Variants in FMO1 observed in about 807,000 individuals in gnomAD.
FMO1 encodes the protein flavin-containing monooxygenase 1.
A neutral mutation model predicts 45.4 loss-of-function variants in FMO1; 36 were observed. The ratio of observed to expected loss-of-function variants is 0.79; its 90% confidence interval spans 0.61 to 1.05. The LOEUF (loss-of-function observed/expected upper bound fraction) is 1.05. Among genes scored for constraint, FMO1 ranks in the 50% least tolerant of loss-of-function variants. The pLI, the probability that FMO1 is intolerant of heterozygous loss-of-function variation, is 0.00. For missense variants in FMO1, 615 were observed against 640.3 expected, an observed-to-expected ratio of 0.96 and a Z score of 0.43; for synonymous variants, 228 against 227.2, an observed-to-expected ratio of 1.00 and a Z score of -0.03.
At chr1:171,249,086 C>T (rs1052121037) in intron 1 of FMO1, among the ~76,000 whole-genome samples, 6 of 151,860 alleles carry the variant, frequency 4.0e-5, no homozygotes, top group African/African-American at 1.4e-4. Context: ...AGGCAAGCCC[C>T]TTTAGAATTT....
chr1:171,272,201 C>A (rs748244831), intron 3 of FMO1, among the ~76,000 whole-genome samples: 15 of 152,248 alleles, frequency 9.9e-5, no homozygotes, highest in Non-Finnish European at 1.9e-4. Flanking sequence ...CAAGACCTGG[C>A]AGCCTCCACA....
At chr1:171,257,991 A>C (rs1239378153) in intron 1 of FMO1, 91 bp from the exon 2 acceptor site, 12 of 1,481,282 alleles carry the variant, frequency 8.1e-6, no homozygotes, top group Non-Finnish European at 1.1e-5. Context: ...AAATCGCCTA[A>C]TCTTCCAAAT....
chr1:171,261,613 G>T (rs1183801732), intron 2 of FMO1, among the ~76,000 whole-genome samples: 1 of 152,176 alleles, frequency 6.6e-6, no homozygotes, highest in Non-Finnish European at 1.5e-5. Flanking sequence ...GCCAGGCGCG[G>T]TGGCTCATGC....
chr1:171,278,766 G>T lies in FMO1; in HGVS notation c.522G>T (p.Arg174=). ...TTAAAGGCCAGTACTTTCATAGCCG[G>T]CAATATAAGCATCCAGATATATTTA... ...NAFKGQYFHS[R]QYKHPDIFKD... Residue 174 remains arginine, a synonymous_variant, in exon 5 of 9, where the codon CGG becomes CGT. Coordinates refer to ENST00000617670, the MANE Select transcript of FMO1 (RefSeq NM_001282693.2). 1 of 1,609,766 alleles carries T rather than the reference G, an allele frequency of 6.2e-7. No individual in the cohort carries two copies. The highest frequency in any genetic ancestry group is 8.5e-7 in the Non-Finnish European group (1 of 1,176,774).
intron 2 of FMO1, 36 bp from the exon 3 acceptor site, chr1:171,267,507 G>A: frequency 6.7e-7 from 1 of 1,485,548 alleles, no homozygotes; most frequent in Non-Finnish European, 9.1e-7. Flanking sequence ...TTATGAGCAT[G>A]CAATGAATGT....
At chr1:171,270,938 C>G (rs984399300) in intron 3 of FMO1, 18 of 821,150 alleles carry the variant, frequency 2.2e-5, no homozygotes, top group Non-Finnish European at 3.4e-5. Context: ...GAAAAAAAAC[C>G]GCTAGAACCA....
intron 2 of FMO1, among the ~76,000 whole-genome samples, chr1:171,260,838 G>A (rs905549406): frequency 2.2e-5 from 3 of 138,936 alleles, no homozygotes; most frequent in African/African-American, 5.5e-5. Context: ...GCTGAGGCAG[G>A]AGAATCGCTG....
At chr1:171,279,631 G>A (rs774043432) in intron 5 of FMO1, among the ~76,000 whole-genome samples, 1 of 151,986 alleles carries the variant, frequency 6.6e-6, no homozygotes, top group Non-Finnish European at 1.5e-5. Flanking sequence ...ACTACCCAAG[G>A]TCACTGCCAC....
chr1:171,248,748 C>T (rs958970061), intron 1 of FMO1, 125 bp downstream of exon 1: 1 of 151,938 alleles, frequency 6.6e-6, no homozygotes, highest in African/African-American at 2.4e-5. Flanking sequence ...TCTGTCCAAC[C>T]CTGGAGGAGC....
chr1:171,258,835 G>A (rs377645568), intron 2 of FMO1, among the ~76,000 whole-genome samples: 2 of 151,388 alleles, frequency 1.3e-5, no homozygotes, highest in African/African-American at 2.5e-5. Flanking sequence ...TGCCTGGATC[G>A]GAGAAAGGAA....
chr1:171,253,461 C>T (rs549671850), intron 1 of FMO1, among the ~76,000 whole-genome samples: 1 of 152,182 alleles, frequency 6.6e-6, no homozygotes, highest in African/African-American at 2.4e-5. Context: ...TGAGCCCAGA[C>T]ATTCAAAACT....
At position 171,285,359 on chromosome 1, in the gene FMO1, C is replaced by G; in HGVS notation, c.1414C>G (p.Gln472Glu). 1 of 1,614,010 alleles carries G rather than the reference C, an allele frequency of 6.2e-7. No homozygotes were observed. Residue 472 changes from glutamine (Q) to glutamate (E), a missense_variant, in exon 9 of 9, where the codon CAG (glutamine) becomes GAG (glutamate). Coordinates refer to ENST00000617670, the MANE Select transcript of FMO1 (RefSeq NM_001282693.2). ...TVFFGPCSPY[Q>E]FRLTGPGKWE... is the part of the protein sequence containing the mutation. ...CTTCTTTGGCCCATGCTCACCATAC[C>G]AGTTCCGCTTGACTGGCCCAGGAAA...
At chr1:171,255,612 T>A (rs2101794720) in intron 1 of FMO1, among the ~76,000 whole-genome samples, 1 of 152,328 alleles carries the variant, frequency 6.6e-6, no homozygotes, top group African/African-American at 2.4e-5. Flanking sequence ...TCCTTCTGTC[T>A]GGGACACCCT....
chr1:171,267,799 C>A, intron 3 of FMO1, 68 bp downstream of exon 3: 1 of 1,262,594 alleles, frequency 7.9e-7, no homozygotes, highest in Non-Finnish European at 1.1e-6. Flanking sequence ...TCTCTCCAGC[C>A]TAGCCCTGGG....
intron 2 of FMO1, 137 bp from the exon 3 acceptor site, chr1:171,267,406 C>A: frequency 1.8e-6 from 1 of 559,768 alleles, no homozygotes; most frequent in Non-Finnish European, 3.0e-6. Context: ...CAAATAAATA[C>A]TACTTCCTGA....
intron 8 of FMO1, among the ~76,000 whole-genome samples, chr1:171,284,261 A>G (rs1391984009): frequency 1.3e-5 from 2 of 152,098 alleles, no homozygotes; most frequent in Non-Finnish European, 2.9e-5. Flanking sequence ...TATATTCCCA[A>G]ACTTCAAGGG....
In FMO1 at chr1:171,285,187, C is replaced by T; in HGVS notation, c.1257-15C>T. The T allele has an allele frequency of 6.6e-7, 1 of 1,512,352 alleles. No individual in the cohort carries two copies. The highest frequency in any genetic ancestry group is 8.9e-7 in the Non-Finnish European group (1 of 1,121,540). 93.7% of individuals were successfully genotyped at this position (1,512,352 alleles called of 1,614,324 possible). ...TTTTGTCTTCACCTTTTCCCCCAATCTTCCTTTTATAAAGGTTTGGCTTGT... is the reference window on the plus strand; with the variant it reads ...TTTTGTCTTCACCTTTTCCCCCAATTTTCCTTTTATAAAGGTTTGGCTTGT... On this transcript the variant is annotated splice_polypyrimidine_tract_variant and intron_variant, in intron 8 of 8. Coordinates refer to ENST00000617670, the MANE Select transcript of FMO1 (RefSeq NM_001282693.2).
chr1:171,263,418 A>G (rs950705287), intron 2 of FMO1, among the ~76,000 whole-genome samples: 7 of 152,170 alleles, frequency 4.6e-5, no homozygotes, highest in Non-Finnish European at 8.8e-5. Flanking sequence ...ATTGAGGCCT[A>G]TTCTGTTAAG....
intron 7 of FMO1, 101 bp from the exon 8 acceptor site, chr1:171,283,043 C>T: frequency 1.4e-6 from 1 of 717,022 alleles, no homozygotes; most frequent in South Asian, 1.6e-5. Flanking sequence ...GTAGCTGGTA[C>T]TAGACGTGAA....
Sources: allele counts gnomAD v4.1 joint callset (sites outside exome capture counted in the v4.1 genomes callset), GRCh38; gene constraint gnomAD v4.1.1; transcripts MANE v1.5; gene names NCBI Gene and HGNC (gene_info 2026-07-23, HGNC 2026-07-21).